NCKAP1: variants seen among roughly 807,000 people sequenced by gnomAD.
The protein encoded by NCKAP1 is NCK associated protein 1.
NCKAP1 carries 21 observed loss-of-function variants against 151.2 expected under a neutral mutation model. That is an observed-to-expected ratio of 0.14 (90% CI 0.10 to 0.20). The LOEUF (loss-of-function observed/expected upper bound fraction) is 0.20. NCKAP1 is among the 10% of genes least tolerant of loss of function. NCKAP1 has a pLI of 1.00. For synonymous variants in NCKAP1, 484 were observed against 451.8 expected (o/e 1.07, Z -0.90); for missense variants, 933 against 1,352.1 (o/e 0.69, Z 4.86).
intron 8 of NCKAP1, among the ~76,000 whole-genome samples, chr2:182,993,981 C>T (rs1026665627): frequency 9.9e-5 from 15 of 152,194 alleles, no homozygotes; most frequent in African/African-American, 3.4e-4. Context: ...ATTATTTCAA[C>T]TTTCTTGATG....
chr2:182,956,406 A>T, intron 20 of NCKAP1, 56 bp downstream of exon 20: 1 of 1,553,974 alleles, frequency 6.4e-7, no homozygotes, highest in Non-Finnish European at 8.8e-7. Context: ...CTGTATAATT[A>T]AATAACAAAC....
chr2:182,960,827 T>C lies in NCKAP1; in HGVS notation c.1881+1332A>G, dbSNP rs373263199. On this transcript the variant is annotated intron_variant, in intron 18 of 30. Transcript: ENST00000361354. ...AGAATGGGAGAAAATTTTTACAATC[T>C]ACTCATCTGACAAAGGGCTAATATC... is the stretch of plus-strand genomic sequence containing the variant. 3.9e-5 allele frequency among the ~76,000 whole-genome samples: 6 copies of C among 152,284 alleles called. No individual in the cohort carries two copies. In the East Asian group the frequency reaches 1.2e-3, roughly 29 times the overall value.
chr2:183,021,812 T>C (rs1392224763), intron 2 of NCKAP1, among the ~76,000 whole-genome samples: 1 of 152,120 alleles, frequency 6.6e-6, no homozygotes, highest in Non-Finnish European at 1.5e-5. Context: ...GGGTGACTGC[T>C]AATGGGCACA....
At chr2:182,980,833 T>C (rs914960610) in intron 13 of NCKAP1, among the ~76,000 whole-genome samples, 4 of 152,152 alleles carry the variant, frequency 2.6e-5, no homozygotes, top group Non-Finnish European at 5.9e-5. Flanking sequence ...TCATCTAGCC[T>C]ACTGCAGTCA....
chr2:182,988,999 A>C (rs1450775063), intron 9 of NCKAP1, 31 bp downstream of exon 9: 1 of 1,589,850 alleles, frequency 6.3e-7, no homozygotes, highest in African/African-American at 1.4e-5. Flanking sequence ...ACCCTTCTCC[A>C]AAAAAGACAA....
At chr2:182,960,390 A>T (rs1697421301) in intron 18 of NCKAP1, among the ~76,000 whole-genome samples, 2 of 152,250 alleles carry the variant, frequency 1.3e-5, no homozygotes, top group African/African-American at 4.8e-5. Flanking sequence ...AGAGATATAG[A>T]CCAATGGAAC....
chr2:183,005,715 T>TA (rs1303592492), intron 2 of NCKAP1, among the ~76,000 whole-genome samples: 1 of 152,126 alleles, frequency 6.6e-6, no homozygotes, highest in Non-Finnish European at 1.5e-5. Context: ...GGCCCTAACT[T>TA]ACTTTTCCAA....
intron 17 of NCKAP1, among the ~76,000 whole-genome samples, chr2:182,963,813 A>C (rs1305156733): frequency 6.6e-6 from 1 of 152,086 alleles, no homozygotes; most frequent in East Asian, 1.9e-4. Flanking sequence ...AATCTATTAA[A>C]ATTCGTGGTA....
chr2:182,979,020 G>T (rs1479467202), intron 13 of NCKAP1, 105 bp from the exon 14 acceptor site: 1 of 526,690 alleles, frequency 1.9e-6, no homozygotes, highest in Non-Finnish European at 3.3e-6. Flanking sequence ...CCATACTATG[G>T]AATATTTTTC....
At chr2:183,023,022 G>A (rs1433760355) in intron 2 of NCKAP1, 2 of 152,062 alleles carry the variant, frequency 1.3e-5, no homozygotes, top group Non-Finnish European at 2.9e-5. Flanking sequence ...GATCATATGT[G>A]AGAGGAAATT....
At chr2:183,008,676 T>C (rs921484725) in intron 2 of NCKAP1, among the ~76,000 whole-genome samples, 5 of 152,038 alleles carry the variant, frequency 3.3e-5, no homozygotes, top group African/African-American at 1.2e-4. Context: ...TGAGGGAGAG[T>C]AGATACTACC....
At chr2:183,016,476 A>G (rs1698689822) in intron 2 of NCKAP1, among the ~76,000 whole-genome samples, 1 of 152,232 alleles carries the variant, frequency 6.6e-6, no homozygotes, top group East Asian at 1.9e-4. Flanking sequence ...CATTTCAGTT[A>G]ATTCTCATTG....
At chr2:182,967,075 A>T in intron 16 of NCKAP1, 141 bp downstream of exon 16, 1 of 742,196 alleles carries the variant, frequency 1.3e-6, no homozygotes, top group Non-Finnish European at 2.0e-6. Flanking sequence ...GGCACATTTT[A>T]ATAAAAGTCC....
intron 13 of NCKAP1, 80 bp from the exon 14 acceptor site, chr2:182,978,995 A>T (rs1010158904): frequency 4.7e-6 from 4 of 854,060 alleles, no homozygotes; most frequent in Non-Finnish European, 7.6e-6. Flanking sequence ...TGGACGGATA[A>T]ACAAACTGGT....
rs373123001 is a variant in NCKAP1, at chr2:182,968,717, T to TGC, written c.1483-1358_1483-1357dup. On this transcript the variant is annotated intron_variant, in intron 15 of 30. Coordinates refer to ENST00000361354, the MANE Select transcript of NCKAP1 (RefSeq NM_013436.5). ...AATAATGCATATATGCTGATGCCTATGCTGCTTTCTGTGCAGTGAATGAAG... is the reference window on the plus strand; with the variant it reads ...AATAATGCATATATGCTGATGCCTATGCGCTGCTTTCTGTGCAGTGAATGAAG... 9.8e-4 allele frequency among the ~76,000 whole-genome samples: 149 copies of TGC among 152,364 alleles called. 1 individual carries two copies. Among genetic ancestry groups the TGC allele is most frequent in the Non-Finnish European group, 1.9e-3 (132 of 68,030 alleles).
At chr2:183,014,917 C>T (rs192332454) in intron 2 of NCKAP1, among the ~76,000 whole-genome samples, 223 of 152,310 alleles carry the variant, frequency 1.5e-3, no homozygotes, top group African/African-American at 5.2e-3. Flanking sequence ...ATCACCACTG[C>T]AGCCAAATGG....
At chr2:182,994,520 T>C (rs1336190212) in intron 8 of NCKAP1, among the ~76,000 whole-genome samples, 1 of 151,856 alleles carries the variant, frequency 6.6e-6, no homozygotes, top group Non-Finnish European at 1.5e-5. Flanking sequence ...GTGCCTGTTG[T>C]CCCGGCTACT....
intron 25 of NCKAP1, 85 bp downstream of exon 25, chr2:182,935,208 A>G: frequency 1.1e-6 from 1 of 923,292 alleles, no homozygotes; most frequent in Non-Finnish European, 1.7e-6. Flanking sequence ...ATTGCTAAGC[A>G]TGAATCTGAA....
intron 15 of NCKAP1, among the ~76,000 whole-genome samples, chr2:182,967,741 G>A (rs1162355150): frequency 6.6e-6 from 1 of 152,110 alleles, no homozygotes; most frequent in Non-Finnish European, 1.5e-5. Context: ...ACTAAGTACT[G>A]CACATGTTGA....
Sources: gnomAD v4.1 joint callset for allele counts (sites outside exome capture counted in the v4.1 genomes callset) on GRCh38, gnomAD v4.1.1 for gene constraint, MANE v1.5 for transcripts, NCBI Gene and HGNC (gene_info 2026-07-23, HGNC 2026-07-21) for gene names.